DLG2: variants seen among roughly 807,000 people sequenced by gnomAD.
DLG2 encodes the protein discs large MAGUK scaffold protein 2.
A neutral mutation model predicts 132.5 loss-of-function variants in DLG2; 45 were observed. The observed-to-expected ratio is 0.34, with a 90% CI of 0.27 to 0.44. The LOEUF is 0.44. Ranked by LOEUF, DLG2 falls within the 20% of genes least tolerant of loss-of-function variation. The pLI, the probability that DLG2 is intolerant of heterozygous loss-of-function variation, is 1.00. For synonymous variants in DLG2, 424 were observed against 419.6 expected (o/e 1.01, Z -0.13); for missense variants, 1,045 against 1,196.9 (o/e 0.87, Z 1.87).
At chr11:84,308,803 G>A (rs975844398) in intron 7 of DLG2, among the ~76,000 whole-genome samples, 1 of 152,200 alleles carries the variant, frequency 6.6e-6, no homozygotes, top group Non-Finnish European at 1.5e-5. Flanking sequence ...CATTGCCCGG[G>A]CCGGCAGGGC....
intron 3 of DLG2, among the ~76,000 whole-genome samples, chr11:85,361,532 C>G (rs2084158573): frequency 6.6e-6 from 1 of 152,118 alleles, no homozygotes; most frequent in African/African-American, 2.4e-5. Context: ...TGTTTAGTTC[C>G]CTCTTGTAAG....
At chr11:84,137,881 T>C (rs1441960722) in intron 9 of DLG2, among the ~76,000 whole-genome samples, 1 of 152,192 alleles carries the variant, frequency 6.6e-6, no homozygotes, top group African/African-American at 2.4e-5. Context: ...CTTTCTTCCC[T>C]ACTGATCACA....
intron 18 of DLG2, among the ~76,000 whole-genome samples, chr11:83,777,758 G>A (rs2094642241): frequency 6.6e-6 from 1 of 152,264 alleles, no homozygotes; most frequent in East Asian, 1.9e-4. Context: ...TTCCGAGTGG[G>A]TGAAAGATAA....
intron 4 of DLG2, among the ~76,000 whole-genome samples, chr11:85,168,497 A>G (rs2152488617): frequency 6.6e-6 from 1 of 152,284 alleles, no homozygotes; most frequent in African/African-American, 2.4e-5. Flanking sequence ...AAAGGTAAGC[A>G]GAAGCCAATT....
At chr11:84,848,868 T>C (rs1269370863) in intron 6 of DLG2, among the ~76,000 whole-genome samples, 1 of 152,198 alleles carries the variant, frequency 6.6e-6, no homozygotes, top group Non-Finnish European at 1.5e-5. Flanking sequence ...CTGGTATCCA[T>C]ACCCTTATGC....
At position 84,416,850 on chromosome 11, in the gene DLG2, C is replaced by T. The variant is rs564051993; in HGVS notation, c.519+117720G>A. On this transcript the variant is annotated intron_variant, in intron 7 of 27. Coordinates refer to ENST00000376104, the MANE Select transcript of DLG2 (RefSeq NM_001142699.3). ...ACCAATATCAACTTCATAACCATTA[C>T]AGTAAATAACAGAAATAATGGAATG... 7.2e-4 allele frequency among the ~76,000 whole-genome samples: 110 copies of T among 152,244 alleles called. 1 individual carries two copies. The highest frequency in any genetic ancestry group is 2.6e-3 in the African/African-American group (109 of 41,542).
chr11:85,421,688 C>T (rs911777111), intron 3 of DLG2, among the ~76,000 whole-genome samples: 5 of 151,906 alleles, frequency 3.3e-5, no homozygotes, highest in African/African-American at 9.7e-5. Flanking sequence ...TGTGAGGTAC[C>T]ATTCCATTCA....
At chr11:83,771,001 A>G (rs1275427474) in intron 18 of DLG2, among the ~76,000 whole-genome samples, 4 of 152,212 alleles carry the variant, frequency 2.6e-5, no homozygotes, top group Non-Finnish European at 4.4e-5. Context: ...AGAACTATCC[A>G]AGTTGAAAAC....
intron 6 of DLG2, among the ~76,000 whole-genome samples, chr11:84,568,038 A>C (rs2099464231): frequency 6.6e-6 from 1 of 152,200 alleles, no homozygotes; most frequent in African/African-American, 2.4e-5. Context: ...CTAGCATTCC[A>C]AGATGCTTCT....
At chr11:84,074,978 T>G (rs138860850) in intron 10 of DLG2, among the ~76,000 whole-genome samples, 1 of 152,316 alleles carries the variant, frequency 6.6e-6, no homozygotes, top group Non-Finnish European at 1.5e-5. Flanking sequence ...TGCTCTCATC[T>G]TCTACCACTG....
intron 6 of DLG2, among the ~76,000 whole-genome samples, chr11:85,026,032 GA>G (rs2060486065): frequency 1.3e-5 from 2 of 151,946 alleles, no homozygotes; most frequent in Non-Finnish European, 2.9e-5. Flanking sequence ...AAAAAATTTT[GA>G]AGTTATTTTT....
At chr11:84,166,212 AC>A (rs909408444) in intron 8 of DLG2, among the ~76,000 whole-genome samples, 34 of 151,568 alleles carry the variant, frequency 2.2e-4, no homozygotes, top group Non-Finnish European at 3.4e-4. Context: ...AACTAAGAAT[AC>A]CCCCCCAGGG....
intron 19 of DLG2, among the ~76,000 whole-genome samples, chr11:83,629,172 C>T (rs1462683746): frequency 3.3e-5 from 5 of 152,114 alleles, no homozygotes; most frequent in Non-Finnish European, 7.4e-5. Context: ...TAATTATCTT[C>T]CCTTCGTCTG....
At chr11:84,539,873 C>T (rs569488493) in intron 6 of DLG2, among the ~76,000 whole-genome samples, 47 of 152,220 alleles carry the variant, frequency 3.1e-4, no homozygotes, top group Admixed American at 9.2e-4. Context: ...ACAGAGCCCT[C>T]AGAAATAATA....
intron 7 of DLG2, among the ~76,000 whole-genome samples, chr11:84,285,825 T>TA: frequency 6.6e-6 from 1 of 152,352 alleles, no homozygotes; most frequent in South Asian, 2.1e-4. Context: ...GGATAAAAAC[T>TA]AGTTCTTTTG....
At chr11:84,362,363 G>A (rs2098654565) in intron 7 of DLG2, among the ~76,000 whole-genome samples, 1 of 151,970 alleles carries the variant, frequency 6.6e-6, no homozygotes, top group Non-Finnish European at 1.5e-5. Flanking sequence ...AGGTTCATAA[G>A]AAGAGTTGTT....
chr11:84,142,600 A>G (rs897117512), intron 9 of DLG2, among the ~76,000 whole-genome samples: 2 of 152,138 alleles, frequency 1.3e-5, no homozygotes, highest in Non-Finnish European at 1.5e-5. Flanking sequence ...TGAGTAAAGA[A>G]GTTCTCCCTC....
intron 3 of DLG2, chr11:85,525,153 T>C (rs2074650722): frequency 6.6e-6 from 1 of 152,160 alleles, no homozygotes; most frequent in Non-Finnish European, 1.5e-5. Context: ...TTTACCAAAT[T>C]AACAGAATAA....
chr11:84,946,495 C>A (rs2050213651), intron 6 of DLG2, among the ~76,000 whole-genome samples: 1 of 152,030 alleles, frequency 6.6e-6, no homozygotes, highest in African/African-American at 2.4e-5. Context: ...AGGATGTGTC[C>A]AGAAATCTCT....
Sources: allele counts gnomAD v4.1 joint callset (sites outside exome capture counted in the v4.1 genomes callset), GRCh38; gene constraint gnomAD v4.1.1; transcripts MANE v1.5; gene names NCBI Gene and HGNC (gene_info 2026-07-23, HGNC 2026-07-21).